The following SPATA31F1 variants were observed in gnomAD, a reference collection of about 807,000 sequenced individuals.
The protein encoded by SPATA31F1 is protein SPATA31F1.
the SPATA31F1 span, chr9:34,725,725 T>C: frequency 1.6e-5 from 25 of 1,547,244 alleles, no homozygotes; most frequent in South Asian, 2.0e-4. Flanking sequence ...TCTGAGCTCG[T>C]TGATGGTCAG....
At chr9:34,725,686 C>T in the SPATA31F1 span, 65 of 1,518,980 alleles carry the variant, frequency 4.3e-5, no homozygotes, top group Middle Eastern at 8.5e-4. Flanking sequence ...AGGCTTCATA[C>T]TCAGCCAGAG....
the SPATA31F1 span, chr9:34,726,940 T>C: frequency 3.9e-6 from 6 of 1,551,402 alleles, no homozygotes; most frequent in Non-Finnish European, 5.2e-6. Context: ...AGCAGGGATC[T>C]GCACACAGGA....
the SPATA31F1 span, chr9:34,726,473 G>A: frequency 1.3e-3 from 1,960 of 1,551,532 alleles, 37 homozygotes; most frequent in East Asian, 0.04. Flanking sequence ...GGAGACCTGG[G>A]AATTCAAGTG....
chr9:34,729,000 A>C, the SPATA31F1 span, among the ~76,000 whole-genome samples: 1 of 152,194 alleles, frequency 6.6e-6, no homozygotes, highest in South Asian at 2.1e-4. Context: ...CACCAACCGG[A>C]AAAATCCCCC....
the SPATA31F1 span, chr9:34,723,345 G>A: frequency 9.0e-6 from 14 of 1,551,592 alleles, no homozygotes; most frequent in South Asian, 1.2e-5. Flanking sequence ...TGTAGCCGGA[G>A]CTTATCGTCT....
At chr9:34,725,097 A>C in the SPATA31F1 span, 1 of 1,551,374 alleles carries the variant, frequency 6.4e-7, no homozygotes, top group African/African-American at 1.4e-5. Flanking sequence ...TCTGGAATGC[A>C]GGGAAAAGGA....
the SPATA31F1 span, chr9:34,728,009 A>T: frequency 6.4e-7 from 1 of 1,551,634 alleles, no homozygotes; most frequent in Non-Finnish European, 8.7e-7. Flanking sequence ...GAGTGCAAAG[A>T]GCAATAGATC....
chr9:34,729,285 C>A, the SPATA31F1 span: 41 of 1,551,626 alleles, frequency 2.6e-5, no homozygotes, highest in Admixed American at 3.9e-5. Context: ...CAGCCCTACC[C>A]GGCAGCAGCT....
the SPATA31F1 span, chr9:34,728,186 A>G: frequency 5.7e-6 from 6 of 1,049,688 alleles, no homozygotes; most frequent in Non-Finnish European, 8.3e-6. Flanking sequence ...AAAAGACTAC[A>G]ATCCTGAAAA....
At chr9:34,726,748 T>C in the SPATA31F1 span, 1 of 1,551,662 alleles carries the variant, frequency 6.4e-7, no homozygotes, top group East Asian at 2.4e-5. Flanking sequence ...CAGATGACAG[T>C]GAAAGCTCTC....
chr9:34,725,989 T>G, the SPATA31F1 span: 1 of 1,547,256 alleles, frequency 6.5e-7, no homozygotes, highest in Admixed American at 2.0e-5. Flanking sequence ...AGTCATTATC[T>G]TGTCCCCCAG....
the SPATA31F1 span, chr9:34,726,735 T>A: frequency 6.4e-7 from 1 of 1,551,580 alleles, no homozygotes. Flanking sequence ...AGTGTTGGGG[T>A]TACAGATGAC....
At chr9:34,723,323 G>A in the SPATA31F1 span, 2 of 1,551,728 alleles carry the variant, frequency 1.3e-6, no homozygotes, top group African/African-American at 1.4e-5. Flanking sequence ...GGCAGAGCCA[G>A]GTTGTCTGGA....
At chr9:34,728,798 C>A in the SPATA31F1 span, 1 of 791,958 alleles carries the variant, frequency 1.3e-6, no homozygotes, top group South Asian at 1.8e-5. Context: ...CTTCCTTTGC[C>A]TATTCCACCT....
At chr9:34,726,612 C>T in the SPATA31F1 span, 65 of 1,551,716 alleles carry the variant, frequency 4.2e-5, no homozygotes, top group African/African-American at 8.1e-4. Context: ...ACATCTGGCA[C>T]TTGAAATTCC....
chr9:34,728,673 T>C, the SPATA31F1 span: 1 of 1,551,170 alleles, frequency 6.4e-7, no homozygotes, highest in Non-Finnish European at 8.7e-7. Context: ...ACAAAAACAT[T>C]AGAATGTGAA....
chr9:34,725,724 G>A, the SPATA31F1 span: 27 of 1,547,060 alleles, frequency 1.7e-5, no homozygotes, highest in Admixed American at 1.4e-4. Context: ...ATCTGAGCTC[G>A]TTGATGGTCA....
chr9:34,724,691 G>A, the SPATA31F1 span: 2 of 1,546,364 alleles, frequency 1.3e-6, no homozygotes, highest in African/African-American at 1.4e-5. Context: ...TGCAACGTCT[G>A]TACAACTCTC....
the SPATA31F1 span, chr9:34,724,569 GT>G: frequency 6.5e-7 from 1 of 1,542,820 alleles, no homozygotes; most frequent in Non-Finnish European, 8.8e-7. Context: ...TGGAAGTTTA[GT>G]TTGGTCAAGA....
Sources: allele counts gnomAD v4.1 joint callset (sites outside exome capture counted in the v4.1 genomes callset), GRCh38; gene constraint gnomAD v4.1.1; transcripts MANE v1.5; gene names NCBI Gene and HGNC (gene_info 2026-07-23, HGNC 2026-07-21).